ZNF493: variants seen among roughly 807,000 people sequenced by gnomAD.
ZNF493 encodes the protein zinc finger protein 493.
Under a neutral mutation model 12.2 loss-of-function variants are expected in ZNF493, and 11 were observed. That is an observed-to-expected ratio of 0.90 (90% CI 0.57 to 1.50). ZNF493 has a LOEUF of 1.50. Among genes scored for constraint, ZNF493 ranks in the 40% most tolerant of loss-of-function variants. ZNF493 has a pLI of 0.00. For missense variants in ZNF493, 950 were observed against 906.6 expected, an observed-to-expected ratio of 1.05 and a Z score of -0.61; for synonymous variants, 286 against 302.6, an observed-to-expected ratio of 0.95 and a Z score of 0.57.
intron 3 of ZNF493, chr19:21,411,928 A>T (rs2030339530): frequency 6.6e-6 from 1 of 152,126 alleles, no homozygotes; most frequent in Non-Finnish European, 1.5e-5. Context: ...CATTATGGAC[A>T]TCTTCAAAAT....
At chr19:21,418,918 G>T (rs945292462) in intron 3 of ZNF493, among the ~76,000 whole-genome samples, 3 of 152,136 alleles carry the variant, frequency 2.0e-5, no homozygotes, top group African/African-American at 7.2e-5. Context: ...CAGCGTGGGC[G>T]TTATGGCCAT....
At position 21,399,235 on chromosome 19, in the gene ZNF493, G is replaced by A. The variant is rs866574906; in HGVS notation, c.30+1968G>A. Among the ~76,000 whole-genome samples the A allele has an allele frequency of 3.3e-5, 5 of 151,560 alleles. No homozygotes were observed. The South Asian group carries it at 6.2e-4, about 19-fold the overall frequency. ...GAGTGCTGTGGCCCGATCTCGGCTC[G>A]CTGAAAGCTCTCCCTCCCGGGTTCC... is the stretch of plus-strand genomic sequence containing the variant. On this transcript the variant is annotated intron_variant, in intron 1 of 3. Coordinates refer to ENST00000392288, the MANE Select transcript of ZNF493 (RefSeq NM_001076678.3).
At position 21,423,603 on chromosome 19, in the gene ZNF493, A is replaced by G. The variant is rs949508582; in HGVS notation, c.944A>G (p.His315Arg). The change falls in exon 4 of 4, where the codon CAT (histidine) becomes CGT (arginine). Residue 315 changes from histidine to arginine, a missense_variant. Coordinates refer to ENST00000392288, the MANE Select transcript of ZNF493 (RefSeq NM_001076678.3). ...SSTLTGHKII[H>R]NGEKPYKCEE... ...ACCCTTACTGGACATAAGATAATTC[A>G]TAATGGAGAAAAACCCTATAAATGT... 4 of 1,609,614 alleles carry G rather than the reference A, an allele frequency of 2.5e-6. No homozygotes were observed. Among genetic ancestry groups the G allele is most frequent in the Non-Finnish European group, 3.4e-6 (4 of 1,179,378 alleles).
intron 3 of ZNF493, among the ~76,000 whole-genome samples, chr19:21,411,491 G>A (rs969963191): frequency 2.0e-5 from 3 of 152,048 alleles, no homozygotes; most frequent in Non-Finnish European, 2.9e-5. Context: ...AGGCTGAGGC[G>A]AGCAGATTGC....
chr19:21,409,734 G>A (rs1244753077), intron 3 of ZNF493, among the ~76,000 whole-genome samples: 1 of 152,136 alleles, frequency 6.6e-6, no homozygotes, highest in Admixed American at 6.6e-5. Flanking sequence ...GACAGAGTGA[G>A]ACCCTGTCTC....
chr19:21,426,799 AAT>A lies in ZNF493; in HGVS notation c.*1820_*1821del, dbSNP rs1387904359. 6.0e-6 allele frequency: 1 copy of A among 167,076 alleles called. No individual in the cohort carries two copies. Among genetic ancestry groups the A allele is most frequent in the Non-Finnish European group, 1.5e-5 (1 of 68,102 alleles). 10.3% of individuals were successfully genotyped at this position (167,076 alleles called of 1,614,324 possible). ...TGTAAATACCAGAATTTATAGTAGAAATATATGAGGAAGCGACACTTCGAATA... is the reference window on the plus strand; with the variant it reads ...TGTAAATACCAGAATTTATAGTAGAAATATGAGGAAGCGACACTTCGAATA... On this transcript the variant is annotated 3_prime_UTR_variant, in exon 4 of 4. Transcript: ENST00000392288.
chr19:21,420,579 A>ATACT (rs2030626450), intron 3 of ZNF493, among the ~76,000 whole-genome samples: 1 of 85,622 alleles, frequency 1.2e-5, no homozygotes, highest in South Asian at 4.0e-4. Flanking sequence ...TGATGGTATT[A>ATACT]TACTCACTTG....
rs2030841825 is a variant in ZNF493, at chr19:21,425,797, C to A, written c.*813C>A. 1 of 571,606 alleles carries A rather than the reference C, an allele frequency of 1.7e-6. No individual in the cohort carries two copies. The allele number at this position is 571,606 out of a possible 1,614,324, so 35.4% of individuals were successfully genotyped here. ...TACAAATGTGAAGAATGTGGCAAAG[C>A]CTTTATCCAGTCCTCAACTCCTAGT... On this transcript the variant is annotated 3_prime_UTR_variant, in exon 4 of 4. Transcript: ENST00000392288.
intron 3 of ZNF493, among the ~76,000 whole-genome samples, chr19:21,417,207 A>G (rs769300149): frequency 6.6e-6 from 1 of 151,986 alleles, no homozygotes; most frequent in Non-Finnish European, 1.5e-5. Context: ...TTTTTCCCCT[A>G]TCTGGTGGCC....
intron 3 of ZNF493, among the ~76,000 whole-genome samples, chr19:21,420,333 G>A (rs1218304996): frequency 6.6e-6 from 1 of 150,980 alleles, no homozygotes; most frequent in African/African-American, 2.4e-5. Flanking sequence ...TTTGTTTTGT[G>A]TATCTATATA....
At chr19:21,419,005 G>A (rs2030575745) in intron 3 of ZNF493, among the ~76,000 whole-genome samples, 1 of 152,142 alleles carries the variant, frequency 6.6e-6, no homozygotes. Flanking sequence ...ATTTTGGGGG[G>A]CCTGTTCCCA....
Position 21,414,203 on chromosome 19 carries a change from A to T in ZNF493, c.253+8347A>T, listed in dbSNP as rs1303855786. 2.0e-5 allele frequency: 3 copies of T among 152,330 alleles called. No individual in the cohort carries two copies. In the East Asian group the frequency reaches 5.8e-4, roughly 29 times the overall value. 9.4% of individuals were successfully genotyped at this position (152,330 alleles called of 1,614,324 possible). ...AGTAAGAAAAGGTGTCCACACATAC[A>T]TGTATATAAGCTAGTCTCCCAAATG... is the stretch of plus-strand genomic sequence containing the variant. On this transcript the variant is annotated intron_variant, in intron 3 of 3. Coordinates refer to ENST00000392288, the MANE Select transcript of ZNF493 (RefSeq NM_001076678.3).
At chr19:21,417,843 T>A (rs1244524296) in intron 3 of ZNF493, among the ~76,000 whole-genome samples, 4 of 152,194 alleles carry the variant, frequency 2.6e-5, no homozygotes, top group Admixed American at 2.0e-4. Context: ...AGTAAGAGCA[T>A]CCCAGTTAGT....
chr19:21,426,791 ATAG>A lies in ZNF493; in HGVS notation c.*1811_*1813del, dbSNP rs1317659182. 6.0e-6 allele frequency: 1 copy of A among 167,068 alleles called. No individual in the cohort carries two copies. Among genetic ancestry groups the A allele is most frequent in the Admixed American group, 6.5e-5 (1 of 15,286 alleles). 10.3% of individuals were successfully genotyped at this position (167,068 alleles called of 1,614,324 possible). On this transcript the variant is annotated 3_prime_UTR_variant, in exon 4 of 4. Transcript: ENST00000392288. The stretch of plus-strand genomic sequence containing the variant: ...TTTGTCTATGTAAATACCAGAATTT[ATAG>A]TAGAAATATATGAGGAAGCGACACT...
chr19:21,423,072 G>T lies in ZNF493; in HGVS notation c.413G>T (p.Gly138Val), dbSNP rs183321663. 3 of 1,613,664 alleles carry T rather than the reference G, an allele frequency of 1.9e-6. No individual in the cohort carries two copies. Among genetic ancestry groups the T allele is most frequent in the Admixed American group, 3.3e-5 (2 of 59,986 alleles). Residue 138 changes from glycine to valine, a missense_variant, in exon 4 of 4, where the codon GGT becomes GTT. Coordinates refer to ENST00000392288, the MANE Select transcript of ZNF493 (RefSeq NM_001076678.3). ...AATGAGTGTAATGTGCACAAAGAAG[G>T]TTATAATGAACTAAACCAGTATTTG... ...SMNECNVHKE[G>V]YNELNQYLTT...
intron 1 of ZNF493, among the ~76,000 whole-genome samples, chr19:21,400,703 G>A (rs990746325): frequency 1.3e-5 from 2 of 152,124 alleles, no homozygotes; most frequent in African/African-American, 4.8e-5. Context: ...ACAGAGTCCT[G>A]GAAAGCTACA....
Position 21,405,765 on chromosome 19 carries a change from T to C in ZNF493, c.162T>C (p.Ile54=). 6.2e-7 allele frequency: 1 copy of C among 1,608,066 alleles called. No homozygotes were observed. Among genetic ancestry groups the C allele is most frequent in the Non-Finnish European group, 8.5e-7 (1 of 1,178,008 alleles). ...ENYRNLVFLG[I]AVSKPDLVTC... ...TATTTATTTTTAATAAAGCAGGTAT[T>C]GCTGTCTCTAAGCCAGATCTGGTCA... The change falls in exon 3 of 4, where the codon ATT becomes ATC. Residue 54 remains isoleucine, a synonymous_variant. Coordinates refer to ENST00000392288, the MANE Select transcript of ZNF493 (RefSeq NM_001076678.3).
chr19:21,416,050 C>T (rs1195938615), intron 3 of ZNF493, among the ~76,000 whole-genome samples: 1 of 152,178 alleles, frequency 6.6e-6, no homozygotes, highest in Non-Finnish European at 1.5e-5. Context: ...TCTAATTGTT[C>T]AGTAACTAAT....
At chr19:21,411,415 A>G (rs999225367) in intron 3 of ZNF493, among the ~76,000 whole-genome samples, 1 of 152,072 alleles carries the variant, frequency 6.6e-6, no homozygotes, top group African/African-American at 2.4e-5. Context: ...ATAGTTTATA[A>G]TCAAATTATA....
Sources: allele counts gnomAD v4.1 joint callset (sites outside exome capture counted in the v4.1 genomes callset), GRCh38; gene constraint gnomAD v4.1.1; transcripts MANE v1.5; gene names NCBI Gene and HGNC (gene_info 2026-07-23, HGNC 2026-07-21).